Variants in GPHB5 observed in about 807,000 individuals in gnomAD.
The protein encoded by GPHB5 is glycoprotein hormone beta-5.
GPHB5 carries 7 observed loss-of-function variants against 10.1 expected under a neutral mutation model. The ratio of observed to expected loss-of-function variants is 0.69; its 90% CI spans 0.39 to 1.30. GPHB5 has a LOEUF of 1.30. Among genes scored for constraint, GPHB5 ranks in the 50% most tolerant of loss-of-function variants. GPHB5 has a pLI of 0.01. For missense variants in GPHB5, 161 were observed against 169.8 expected, an observed-to-expected ratio of 0.95 and a Z score of 0.29; for synonymous variants, 68 against 70.1, an observed-to-expected ratio of 0.97 and a Z score of 0.15.
At chr14:63,315,140 C>T (rs1477907149) in intron 2 of GPHB5, among the ~76,000 whole-genome samples, 6 of 151,926 alleles carry the variant, frequency 3.9e-5, no homozygotes, top group African/African-American at 1.2e-4. Context: ...TGGTCTCGAA[C>T]TCCTGACCTC....
At chr14:63,317,467 A>G (rs186211257) in intron 2 of GPHB5, among the ~76,000 whole-genome samples, 179 bp downstream of exon 2, 32 of 152,316 alleles carry the variant, frequency 2.1e-4, no homozygotes, top group Admixed American at 5.2e-4. Context: ...GGGCAACATC[A>G]TGTTTTTCAA....
intron 2 of GPHB5, among the ~76,000 whole-genome samples, chr14:63,316,415 T>G (rs952391993): frequency 6.6e-6 from 1 of 152,172 alleles, no homozygotes; most frequent in Admixed American, 6.5e-5. Context: ...AACCAACAAA[T>G]GTGTATTGAA....
chr14:63,318,638 C>T (rs986624595), intron 1 of GPHB5, among the ~76,000 whole-genome samples, 186 bp downstream of exon 1: 10 of 152,218 alleles, frequency 6.6e-5, no homozygotes, highest in African/African-American at 2.4e-4. Context: ...GAATCAACCC[C>T]CTTCATGCTT....
chr14:63,313,191 A>T, intron 2 of GPHB5, 75 bp from the exon 3 acceptor site: 1 of 1,240,332 alleles, frequency 8.1e-7, no homozygotes. Flanking sequence ...ATCATTTATC[A>T]CTATCAGAAA....
intron 1 of GPHB5, among the ~76,000 whole-genome samples, chr14:63,318,524 C>T (rs1882811337): frequency 6.6e-6 from 1 of 152,124 alleles, no homozygotes; most frequent in Non-Finnish European, 1.5e-5. Context: ...CAATTTAAAT[C>T]CAAATGATGG....
intron 2 of GPHB5, among the ~76,000 whole-genome samples, chr14:63,316,166 G>A (rs1214852683): frequency 6.6e-6 from 1 of 152,232 alleles, no homozygotes; most frequent in African/African-American, 2.4e-5. Flanking sequence ...CCCTGAATGA[G>A]GCAAAAGAAA....
At chr14:63,314,041 A>C (rs115393795) in intron 2 of GPHB5, among the ~76,000 whole-genome samples, 3 of 152,228 alleles carry the variant, frequency 2.0e-5, no homozygotes, top group Admixed American at 2.0e-4. Context: ...TTGTCATTGA[A>C]TCAATGAAAG....
chr14:63,317,507 T>A, intron 2 of GPHB5, 139 bp downstream of exon 2: 1 of 720,424 alleles, frequency 1.4e-6, no homozygotes, highest in Non-Finnish European at 2.3e-6. Flanking sequence ...AATCATAGTT[T>A]TGTTTTGGTT....
intron 2 of GPHB5, among the ~76,000 whole-genome samples, chr14:63,315,080 T>C (rs922087353): frequency 4.0e-5 from 6 of 151,870 alleles, no homozygotes; most frequent in African/African-American, 1.5e-4. Flanking sequence ...TTTTTGTATT[T>C]TTAGTAGAGA....
At chr14:63,314,615 T>C (rs573880338) in intron 2 of GPHB5, among the ~76,000 whole-genome samples, 15 of 151,998 alleles carry the variant, frequency 9.9e-5, no homozygotes, top group Non-Finnish European at 1.6e-4. Context: ...GGTTTCACCA[T>C]GTTAGCCAGG....
chr14:63,316,986 C>T (rs1882781612), intron 2 of GPHB5, among the ~76,000 whole-genome samples: 1 of 152,136 alleles, frequency 6.6e-6, no homozygotes, highest in African/African-American at 2.4e-5. Flanking sequence ...CCTCTTAGCC[C>T]AATAGGATTT....
At chr14:63,315,840 G>T (rs10137710) in intron 2 of GPHB5, among the ~76,000 whole-genome samples, 28,189 of 152,168 alleles carry the variant, frequency 0.19, 2,976 homozygotes, top group African/African-American at 0.29. Flanking sequence ...GTTCTTTAAC[G>T]GTTTTGGTGT....
At chr14:63,316,712 C>A (rs10140723) in intron 2 of GPHB5, among the ~76,000 whole-genome samples, 39,564 of 152,112 alleles carry the variant, frequency 0.26, 5,541 homozygotes, top group African/African-American at 0.35. Flanking sequence ...TTGAAAGTCA[C>A]TTACCAAGGC....
At chr14:63,313,230 T>G in intron 2 of GPHB5, 114 bp from the exon 3 acceptor site, 13 of 1,005,104 alleles carry the variant, frequency 1.3e-5, no homozygotes, top group Non-Finnish European at 1.9e-5. Context: ...ATTTACTTGT[T>G]GCTCTGTCGT....
chr14:63,315,924 G>C (rs1331806788), intron 2 of GPHB5, among the ~76,000 whole-genome samples: 10 of 152,174 alleles, frequency 6.6e-5, no homozygotes, highest in Non-Finnish European at 1.3e-4. Context: ...ACATTCATCA[G>C]TTTTTAAAAA....
chr14:63,313,058 T>G lies in GPHB5; in HGVS notation c.263A>C (p.Glu88Ala). Residue 88 changes from glutamate (E) to alanine (A), a missense_variant, in exon 3 of 3, where the codon GAG (glutamate) becomes GCG (alanine). Glu to Ala is a moderately radical substitution (Grantham distance 107). Coordinates refer to ENST00000621500, the MANE Select transcript of GPHB5 (RefSeq NM_145171.4). ...CAGCTTGACAGTCACCTGTTTGGTC[T>G]CGTTGTAGGTACAGACTCGATGATG... Reference protein sequence around the residue: ...EAHHRVCTYNETKQVTVKLPN... With the variant: ...EAHHRVCTYNATKQVTVKLPN... 3.7e-6 allele frequency: 6 copies of G among 1,607,228 alleles called. No individual in the cohort carries two copies. The highest frequency in any genetic ancestry group is 5.1e-6 in the Non-Finnish European group (6 of 1,176,858).
chr14:63,317,702 A>G lies in GPHB5; in HGVS notation c.148T>C (p.Cys50Arg), dbSNP rs1185372669. The G allele has an allele frequency of 6.2e-7, 1 of 1,614,070 alleles. No homozygotes were observed. The highest frequency in any genetic ancestry group is 1.7e-5 in the Admixed American group (1 of 60,032). ...TCCGTGGTGATCCGAAGGCCCCTGC[A>G]GCCTGGCTTCTTGGCCAGGAAAGTA... Reference protein sequence around the residue: ...EFTFLAKKPGCRGLRITTDAC... With the variant: ...EFTFLAKKPGRRGLRITTDAC... The change falls in exon 2 of 3, where the codon TGC becomes CGC. Residue 50 changes from cysteine to arginine, a missense_variant. By Grantham distance (180) the Cys-to-Arg change is radical. Coordinates refer to ENST00000621500, the MANE Select transcript of GPHB5 (RefSeq NM_145171.4).
At chr14:63,315,400 A>T (rs1161190270) in intron 2 of GPHB5, among the ~76,000 whole-genome samples, 1 of 152,244 alleles carries the variant, frequency 6.6e-6, no homozygotes, top group African/African-American at 2.4e-5. Flanking sequence ...ATACTGTATG[A>T]GACAGACAGA....
intron 2 of GPHB5, among the ~76,000 whole-genome samples, chr14:63,313,639 G>C (rs58737358): frequency 6.6e-6 from 1 of 152,002 alleles, no homozygotes; most frequent in Non-Finnish European, 1.5e-5. Context: ...CTAGGCTCAC[G>C]GCGGTCTCCT....
Sources: gnomAD v4.1 joint callset for allele counts (sites outside exome capture counted in the v4.1 genomes callset) on GRCh38, gnomAD v4.1.1 for gene constraint, MANE v1.5 for transcripts, NCBI Gene and HGNC (gene_info 2026-07-23, HGNC 2026-07-21) for gene names.